Variants in EPHA6 observed in about 807,000 individuals in gnomAD.
The protein encoded by EPHA6 is ephrin type-A receptor 6.
A neutral mutation model predicts 112.0 loss-of-function variants in EPHA6; 50 were observed. The observed-to-expected ratio is 0.45, with a 90% CI of 0.36 to 0.56. The LOEUF is 0.56. Ranked by LOEUF, EPHA6 falls within the 20% of genes least tolerant of loss-of-function variation. The pLI is 0.00. For synonymous variants in EPHA6, 529 were observed against 490.7 expected, an observed-to-expected ratio of 1.08 and a Z score of -1.03; for missense variants, 1,280 against 1,417.4, an observed-to-expected ratio of 0.90 and a Z score of 1.56.
At chr3:96,858,735 G>A (rs1249840891) in intron 1 of EPHA6, among the ~76,000 whole-genome samples, 1 of 152,100 alleles carries the variant, frequency 6.6e-6, no homozygotes, top group East Asian at 1.9e-4. Flanking sequence ...ACTGTACACA[G>A]TCAGAAATGG....
At chr3:97,740,586 A>T (rs949493872) in intron 16 of EPHA6, among the ~76,000 whole-genome samples, 1 of 152,152 alleles carries the variant, frequency 6.6e-6, no homozygotes, top group Non-Finnish European at 1.5e-5. Context: ...GTAACTTTAA[A>T]GCACTTAGTT....
At chr3:97,324,859 A>G (rs887629681) in intron 5 of EPHA6, among the ~76,000 whole-genome samples, 2 of 152,088 alleles carry the variant, frequency 1.3e-5, no homozygotes, top group Non-Finnish European at 2.9e-5. Context: ...AGTTTTTTAA[A>G]GAAAAATATA....
intron 3 of EPHA6, among the ~76,000 whole-genome samples, chr3:97,014,877 A>C (rs1046375266): frequency 6.6e-6 from 1 of 152,176 alleles, no homozygotes. Flanking sequence ...TATGTTATGA[A>C]AAAATGTCTT....
chr3:97,215,937 C>T (rs1280608893), intron 3 of EPHA6, among the ~76,000 whole-genome samples: 3 of 152,042 alleles, frequency 2.0e-5, no homozygotes, highest in South Asian at 2.1e-4. Flanking sequence ...ACCTGTATGC[C>T]TTTTTGACAA....
At chr3:97,243,056 C>T (rs2078893252) in intron 4 of EPHA6, among the ~76,000 whole-genome samples, 1 of 151,746 alleles carries the variant, frequency 6.6e-6, no homozygotes, top group Non-Finnish European at 1.5e-5. Flanking sequence ...GGATTATTCA[C>T]ACAATTTTAA....
chr3:97,425,600 A>T (rs1221269704), intron 6 of EPHA6, among the ~76,000 whole-genome samples: 1 of 152,166 alleles, frequency 6.6e-6, no homozygotes, highest in Non-Finnish European at 1.5e-5. Context: ...GATGAGAGGG[A>T]CTGCCGGGAA....
chr3:97,430,669 C>T (rs575510419), intron 6 of EPHA6, among the ~76,000 whole-genome samples: 45 of 152,210 alleles, frequency 3.0e-4, no homozygotes, highest in Non-Finnish European at 5.7e-4. Context: ...ATTTTCAAAT[C>T]AAGAAGACTA....
chr3:97,431,769 A>G (rs759736358), intron 6 of EPHA6, among the ~76,000 whole-genome samples: 5 of 152,122 alleles, frequency 3.3e-5, no homozygotes, highest in Admixed American at 1.3e-4. Flanking sequence ...AGTTCTTTTC[A>G]TATTTTAAAA....
chr3:96,859,168 A>G (rs1322072504), intron 1 of EPHA6, among the ~76,000 whole-genome samples: 3 of 151,924 alleles, frequency 2.0e-5, no homozygotes, highest in African/African-American at 4.8e-5. Flanking sequence ...CACCCCCCCA[A>G]CACACACTCA....
chr3:97,746,567 ATAAC>A (rs2035723440), intron 16 of EPHA6, among the ~76,000 whole-genome samples: 1 of 151,856 alleles, frequency 6.6e-6, no homozygotes, highest in South Asian at 2.1e-4. Context: ...GCTATTATAT[ATAAC>A]TATTTCATAT....
At chr3:97,729,054 A>G (rs1358140027) in intron 15 of EPHA6, among the ~76,000 whole-genome samples, 2 of 152,108 alleles carry the variant, frequency 1.3e-5, no homozygotes, top group East Asian at 1.9e-4. Context: ...GGATTTTAAG[A>G]AAGTTTTTTT....
At chr3:97,268,092 C>G (rs1247191771) in intron 5 of EPHA6, among the ~76,000 whole-genome samples, 2 of 152,016 alleles carry the variant, frequency 1.3e-5, no homozygotes, top group African/African-American at 4.8e-5. Context: ...TGTTGGATTC[C>G]TTTTTCCTGA....
rs531324488 is a variant in EPHA6, at chr3:97,618,761, A to C, written c.2574+7907A>C. On this transcript the variant is annotated intron_variant, in intron 13 of 17. Transcript: ENST00000389672. ...TCAATAACAGGTTCTGAAATTGAGG[A>C]AATAATAAATAGCTTTCCAACCCAA... Among the ~76,000 whole-genome samples the C allele has an allele frequency of 4.6e-5, 7 of 152,112 alleles. No individual in the cohort carries two copies. The East Asian group carries it at 7.7e-4, about 17-fold the overall frequency.
intron 5 of EPHA6, among the ~76,000 whole-genome samples, chr3:97,379,043 C>T (rs1370942664): frequency 6.6e-6 from 1 of 152,140 alleles, no homozygotes; most frequent in East Asian, 1.9e-4. Flanking sequence ...CCACCCAGAT[C>T]TCATCTTCAG....
chr3:96,921,382 A>G (rs2039754133), intron 2 of EPHA6, among the ~76,000 whole-genome samples: 1 of 152,146 alleles, frequency 6.6e-6, no homozygotes, highest in Non-Finnish European at 1.5e-5. Context: ...CAGAAAACTT[A>G]AACATAAACA....
At chr3:97,279,292 C>T (rs978004133) in intron 5 of EPHA6, among the ~76,000 whole-genome samples, 1 of 152,006 alleles carries the variant, frequency 6.6e-6, no homozygotes, top group East Asian at 1.9e-4. Flanking sequence ...AGTGTTCTTA[C>T]TGTGACTATT....
intron 5 of EPHA6, among the ~76,000 whole-genome samples, chr3:97,365,207 G>A (rs1319785448): frequency 3.3e-5 from 5 of 151,930 alleles, no homozygotes; most frequent in African/African-American, 9.7e-5. Flanking sequence ...TCTACAGTAC[G>A]ATGTTGATTT....
intron 5 of EPHA6, among the ~76,000 whole-genome samples, chr3:97,260,556 T>C (rs2079467944): frequency 6.6e-6 from 1 of 152,230 alleles, no homozygotes; most frequent in African/African-American, 2.4e-5. Flanking sequence ...CCCAGTAGGT[T>C]AAGTTTGCTT....
chr3:97,354,412 G>T (rs184485917), intron 5 of EPHA6, among the ~76,000 whole-genome samples: 1 of 152,008 alleles, frequency 6.6e-6, no homozygotes, highest in Non-Finnish European at 1.5e-5. Flanking sequence ...CCTGTGAGAT[G>T]AATTTAACAA....
Sources: gnomAD v4.1 joint callset for allele counts (sites outside exome capture counted in the v4.1 genomes callset) on GRCh38, gnomAD v4.1.1 for gene constraint, MANE v1.5 for transcripts, NCBI Gene and HGNC (gene_info 2026-07-23, HGNC 2026-07-21) for gene names.